The following GPR137C variants were observed in gnomAD, a reference collection of about 807,000 sequenced individuals.
The protein encoded by GPR137C is integral membrane protein GPR137C.
In GPR137C, 27 loss-of-function variants were observed where a neutral mutation model predicts 43.4. That is an observed-to-expected ratio of 0.62 (90% CI 0.46 to 0.86). The LOEUF (loss-of-function observed/expected upper bound fraction) is 0.86. GPR137C is among the 40% of genes least tolerant of loss of function. The pLI is 0.00. For synonymous variants in GPR137C, 285 were observed against 226.9 expected, an observed-to-expected ratio of 1.26 and a Z score of -2.30; for missense variants, 522 against 534.6, an observed-to-expected ratio of 0.98 and a Z score of 0.23.
intron 1 of GPR137C, among the ~76,000 whole-genome samples, chr14:52,568,187 G>A (rs997067490): frequency 3.3e-5 from 5 of 152,090 alleles, no homozygotes; most frequent in Admixed American, 6.5e-5. Context: ...CACCTCACCC[G>A]GGAAGCCCAA....
Position 52,553,287 on chromosome 14 carries a change from T to C in GPR137C, c.140T>C (p.Leu47Ser), listed in dbSNP as rs921392334. ...SGAAVPGSVQ[L>S]ALSVLHALLY... ...GCCGCGGTGCCGGGCTCCGTGCAGT[T>C]GGCGCTGAGCGTCCTGCACGCCCTG... Residue 47 changes from leucine to serine, a missense_variant, in exon 1 of 7, where the codon TTG becomes TCG. By Grantham distance (145) the Leu-to-Ser change is moderately radical. Around this residue, in one of 3 missense-constraint regions of GPR137C, gnomAD observed 437 missense variants for 425.7 expected, o/e 1.03. Coordinates refer to ENST00000321662, the MANE Select transcript of GPR137C (RefSeq NM_001099652.2). 5 of 1,512,612 alleles carry C rather than the reference T, an allele frequency of 3.3e-6. No homozygotes were observed. The highest frequency in any genetic ancestry group is 1.4e-5 in the African/African-American group (1 of 71,880). 93.7% of individuals were successfully genotyped at this position (1,512,612 alleles called of 1,614,324 possible).
Position 52,632,384 on chromosome 14 carries a change from G to A in GPR137C, c.867+75G>A. Reference sequence around the variant, plus strand: ...CCCTCATCTAGAAGAACACTGTAGTGTTTGACTTACAAACACATTTATGGA... The same window carrying A: ...CCCTCATCTAGAAGAACACTGTAGTATTTGACTTACAAACACATTTATGGA... On this transcript the variant is annotated intron_variant, in intron 4 of 6. Coordinates refer to ENST00000321662, the MANE Select transcript of GPR137C (RefSeq NM_001099652.2). 4 of 1,042,754 alleles carry A rather than the reference G, an allele frequency of 3.8e-6. No homozygotes were observed. In the South Asian group the frequency reaches 6.6e-5, roughly 17 times the overall value. 64.6% of individuals were successfully genotyped at this position (1,042,754 alleles called of 1,614,324 possible). A position where few individuals can be genotyped will look rare whatever the true frequency, so the allele number is the denominator to read the frequency against.
At chr14:52,556,521 G>GAAAAAA (rs2038197245) in intron 1 of GPR137C, among the ~76,000 whole-genome samples, 1 of 147,848 alleles carries the variant, frequency 6.8e-6, no homozygotes, top group Non-Finnish European at 1.5e-5. Flanking sequence ...AGAGAGAGGG[G>GAAAAAA]GAAAAAAAAA....
intron 1 of GPR137C, among the ~76,000 whole-genome samples, chr14:52,568,999 G>A (rs928104761): frequency 1.3e-5 from 2 of 152,194 alleles, no homozygotes; most frequent in Admixed American, 6.5e-5. Context: ...CTCCTGACTG[G>A]GAGATACCTC....
chr14:52,625,507 G>T (rs374914393), intron 3 of GPR137C, among the ~76,000 whole-genome samples: 15 of 84,660 alleles, frequency 1.8e-4, no homozygotes, highest in African/African-American at 6.3e-4. Context: ...AAAAAGAAAA[G>T]AAAATAGAGG....
In GPR137C at chr14:52,613,546, A is replaced by G. The variant is rs146078447; in HGVS notation, c.717+13205A>G. On this transcript the variant is annotated intron_variant, in intron 3 of 6. Transcript: ENST00000321662. ...TCTGGTAACCATCCTTCTACTCTCT[A>G]TCTCCATGAGTTCAATTGTTCTGAT... is the stretch of plus-strand genomic sequence containing the variant. The G allele has an allele frequency of 4.0e-3, 652 of 162,156 alleles. 5 individuals are homozygous for G. Among genetic ancestry groups the G allele is most frequent in the African/African-American group, 0.015 (616 of 41,728 alleles). 10.0% of individuals were successfully genotyped at this position (162,156 alleles called of 1,614,324 possible). A position where few individuals can be genotyped will look rare whatever the true frequency, so the allele number is the denominator to read the frequency against.
At chr14:52,557,900 C>T (rs1594777573) in intron 1 of GPR137C, among the ~76,000 whole-genome samples, 2 of 152,174 alleles carry the variant, frequency 1.3e-5, no homozygotes, top group Admixed American at 6.5e-5. Flanking sequence ...TTCTAACTTG[C>T]TTTCCCGTTT....
chr14:52,563,086 A>G (rs2038310802), intron 1 of GPR137C, among the ~76,000 whole-genome samples: 1 of 152,014 alleles, frequency 6.6e-6, no homozygotes, highest in African/African-American at 2.4e-5. Context: ...TTCATTAGAC[A>G]TTTTTCAGTC....
intron 3 of GPR137C, among the ~76,000 whole-genome samples, chr14:52,616,441 G>A (rs2039100089): frequency 1.3e-5 from 2 of 152,100 alleles, no homozygotes; most frequent in Admixed American, 6.5e-5. Flanking sequence ...TTACAGGCAT[G>A]AGCCACCACG....
At chr14:52,553,807 GGTGA>G (rs1004351109) in intron 1 of GPR137C, among the ~76,000 whole-genome samples, 5 of 152,182 alleles carry the variant, frequency 3.3e-5, no homozygotes, top group Admixed American at 6.5e-5. Flanking sequence ...CGGGCTAGGG[GGTGA>G]GTGAGTGAGT....
chr14:52,631,578 G>A (rs1178859749), intron 3 of GPR137C, among the ~76,000 whole-genome samples: 2 of 152,078 alleles, frequency 1.3e-5, no homozygotes, highest in African/African-American at 2.4e-5. Flanking sequence ...AGTTGGAAGG[G>A]CTTTTTATGT....
chr14:52,559,339 A>C (rs970149998), intron 1 of GPR137C, among the ~76,000 whole-genome samples: 12 of 152,284 alleles, frequency 7.9e-5, no homozygotes, highest in Admixed American at 6.5e-4. Context: ...CCGAGATCAC[A>C]CCACTGCACT....
At chr14:52,582,053 G>T (rs1250122204) in intron 1 of GPR137C, among the ~76,000 whole-genome samples, 1 of 152,068 alleles carries the variant, frequency 6.6e-6, no homozygotes, top group East Asian at 1.9e-4. Flanking sequence ...TCATAAACTG[G>T]GTAGTTTATA....
At chr14:52,627,256 G>T (rs1394126362) in intron 3 of GPR137C, among the ~76,000 whole-genome samples, 2 of 152,060 alleles carry the variant, frequency 1.3e-5, no homozygotes, top group East Asian at 1.9e-4. Context: ...AGCCAGACAT[G>T]GTGGTGTGCA....
intron 3 of GPR137C, among the ~76,000 whole-genome samples, 193 bp from the exon 4 acceptor site, chr14:52,631,967 A>C (rs2039299485): frequency 6.6e-6 from 1 of 152,036 alleles, no homozygotes; most frequent in Non-Finnish European, 1.5e-5. Flanking sequence ...AAAAAAAAAA[A>C]AACTTACACA....
In GPR137C at chr14:52,569,083, G is replaced by A. The variant is rs144160648; in HGVS notation, c.444+15492G>A. Among the ~76,000 whole-genome samples the A allele has an allele frequency of 5.3e-5, 8 of 152,332 alleles. No homozygotes were observed. In the East Asian group the frequency reaches 9.7e-4, roughly 18 times the overall value. ...CATCTGATGGGTGCCCGTCTGGGAC[G>A]AAGCTTCCAGAGGAAGGTACAGACA... On this transcript the variant is annotated intron_variant, in intron 1 of 6. Coordinates refer to ENST00000321662, the MANE Select transcript of GPR137C (RefSeq NM_001099652.2).
At chr14:52,597,550 T>G (rs2038871174) in intron 1 of GPR137C, among the ~76,000 whole-genome samples, 1 of 152,240 alleles carries the variant, frequency 6.6e-6, no homozygotes, top group South Asian at 2.1e-4. Context: ...GCCTGTACAC[T>G]AATGTCAGAT....
intron 3 of GPR137C, among the ~76,000 whole-genome samples, chr14:52,611,239 TA>T (rs2039035370): frequency 6.6e-6 from 1 of 152,076 alleles, no homozygotes; most frequent in Admixed American, 6.5e-5. Flanking sequence ...TCTATATGTA[TA>T]AACTATTTCT....
intron 3 of GPR137C, among the ~76,000 whole-genome samples, chr14:52,603,556 T>C (rs1275726960): frequency 3.3e-5 from 5 of 152,148 alleles, no homozygotes; most frequent in Non-Finnish European, 5.9e-5. Context: ...GTTTTTGAGA[T>C]GGAGTCTTGC....
Sources: gnomAD v4.1 joint callset for allele counts (sites outside exome capture counted in the v4.1 genomes callset) on GRCh38, gnomAD v4.1.1 for gene constraint, gnomAD v4.1.1 regional missense constraint, MANE v1.5 for transcripts, NCBI Gene and HGNC (gene_info 2026-07-23, HGNC 2026-07-21) for gene names.